The following CNTN6 variants were observed in gnomAD, a reference collection of about 807,000 sequenced individuals.
CNTN6 encodes contactin-6.
In CNTN6, 137 loss-of-function variants were observed where a neutral mutation model predicts 122.8. The ratio of observed to expected loss-of-function variants is 1.12; its 90% confidence interval spans 0.97 to 1.29. CNTN6 has a LOEUF of 1.29. Among genes scored for constraint, CNTN6 ranks in the 50% most tolerant of loss-of-function variants. The pLI, the probability that CNTN6 is intolerant of heterozygous loss-of-function variation, is 0.00. For synonymous variants in CNTN6, 570 were observed against 426.0 expected (o/e 1.34, Z -4.16); for missense variants, 1,634 against 1,223.4 (o/e 1.34, Z -5.01).
intron 1 of CNTN6, among the ~76,000 whole-genome samples, chr3:1,125,503 A>G (rs563739487): frequency 6.6e-6 from 1 of 152,064 alleles, no homozygotes; most frequent in Non-Finnish European, 1.5e-5. Context: ...TAATCTGCAC[A>G]CAGTCAAATG....
chr3:1,288,291 G>T (rs1694699871), intron 5 of CNTN6, among the ~76,000 whole-genome samples: 1 of 151,158 alleles, frequency 6.6e-6, no homozygotes. Flanking sequence ...TGATCAAGCA[G>T]TAATTGTGGA....
At chr3:1,230,660 C>T (rs754039490) in intron 4 of CNTN6, among the ~76,000 whole-genome samples, 1 of 152,162 alleles carries the variant, frequency 6.6e-6, no homozygotes, top group Non-Finnish European at 1.5e-5. Context: ...CCCCATTTTA[C>T]AGATTAGAAG....
intron 11 of CNTN6, among the ~76,000 whole-genome samples, chr3:1,343,766 T>A (rs1346447364): frequency 1.3e-5 from 2 of 152,116 alleles, no homozygotes; most frequent in Admixed American, 1.3e-4. Context: ...GATGATGATG[T>A]TATTACTACT....
chr3:1,195,383 T>C (rs1332430354), intron 2 of CNTN6, among the ~76,000 whole-genome samples: 2 of 152,150 alleles, frequency 1.3e-5, no homozygotes, highest in African/African-American at 4.8e-5. Context: ...GATACCTGAA[T>C]AGTAATAAAA....
At chr3:1,392,260 C>G (rs1445104281) in intron 20 of CNTN6, among the ~76,000 whole-genome samples, 1 of 152,222 alleles carries the variant, frequency 6.6e-6, no homozygotes, top group Non-Finnish European at 1.5e-5. Context: ...CGCATATCTA[C>G]AGCTATCTGA....
At chr3:1,250,768 C>T (rs1351675229) in intron 4 of CNTN6, among the ~76,000 whole-genome samples, 3 of 152,124 alleles carry the variant, frequency 2.0e-5, no homozygotes, top group Admixed American at 6.6e-5. Flanking sequence ...CCCTGAAAGT[C>T]CCCCTGACTG....
intron 3 of CNTN6, among the ~76,000 whole-genome samples, chr3:1,224,918 G>C (rs1156843643): frequency 2.0e-5 from 3 of 151,930 alleles, no homozygotes; most frequent in African/African-American, 7.3e-5. Context: ...GCTAATTTTT[G>C]TATTTTTTTA....
chr3:1,239,966 G>T (rs1194211546), intron 4 of CNTN6, among the ~76,000 whole-genome samples: 1 of 152,106 alleles, frequency 6.6e-6, no homozygotes, highest in Non-Finnish European at 1.5e-5. Flanking sequence ...TCATTGAAAA[G>T]CCCAGTGTAG....
At chr3:1,210,384 G>A (rs1230728116) in intron 2 of CNTN6, among the ~76,000 whole-genome samples, 1 of 151,246 alleles carries the variant, frequency 6.6e-6, no homozygotes, top group East Asian at 1.9e-4. Flanking sequence ...AAGAAAGAAG[G>A]GAAGTGAAGG....
chr3:1,113,527 G>C (rs1312585220), intron 1 of CNTN6, among the ~76,000 whole-genome samples: 3 of 152,094 alleles, frequency 2.0e-5, no homozygotes, highest in African/African-American at 7.2e-5. Context: ...TCTAGGAAAA[G>C]GGCCTGATTT....
chr3:1,336,396 A>G (rs1183497984), intron 11 of CNTN6, among the ~76,000 whole-genome samples: 4 of 152,100 alleles, frequency 2.6e-5, no homozygotes, highest in Non-Finnish European at 5.9e-5. Flanking sequence ...AGTAATCTCA[A>G]AAAGTTAAAC....
intron 11 of CNTN6, among the ~76,000 whole-genome samples, chr3:1,347,529 G>C (rs1172374952): frequency 1.3e-5 from 2 of 152,084 alleles, no homozygotes; most frequent in Admixed American, 1.3e-4. Flanking sequence ...AGGAGAGTCT[G>C]GGGACTGATA....
At chr3:1,103,645 C>T (rs2091067097) in intron 1 of CNTN6, among the ~76,000 whole-genome samples, 1 of 152,140 alleles carries the variant, frequency 6.6e-6, no homozygotes, top group African/African-American at 2.4e-5. Context: ...ATGCGTAGTT[C>T]AACATAGGAA....
intron 20 of CNTN6, among the ~76,000 whole-genome samples, chr3:1,398,346 T>C (rs1695242507): frequency 6.6e-6 from 1 of 152,126 alleles, no homozygotes; most frequent in Non-Finnish European, 1.5e-5. Context: ...AAACATCCAT[T>C]GATAAAAATA....
At chr3:1,395,079 C>A (rs1423079175) in intron 20 of CNTN6, among the ~76,000 whole-genome samples, 1 of 152,108 alleles carries the variant, frequency 6.6e-6, no homozygotes, top group Non-Finnish European at 1.5e-5. Context: ...CTCTTACCAG[C>A]CTGTATGCTT....
intron 12 of CNTN6, among the ~76,000 whole-genome samples, chr3:1,359,694 A>G (rs147073784): frequency 3.2e-4 from 48 of 152,190 alleles, no homozygotes; most frequent in Non-Finnish European, 5.7e-4. Context: ...AACATTTTAG[A>G]CTTACGGATT....
At chr3:1,391,509 C>G (rs1423072925) in intron 20 of CNTN6, among the ~76,000 whole-genome samples, 1 of 110,030 alleles carries the variant, frequency 9.1e-6, no homozygotes, top group Non-Finnish European at 1.8e-5. Flanking sequence ...CAGGGATGCC[C>G]TCTCTCACCA....
At chr3:1,234,249 T>C (rs2125578602) in intron 4 of CNTN6, among the ~76,000 whole-genome samples, 1 of 152,278 alleles carries the variant, frequency 6.6e-6, no homozygotes, top group Non-Finnish European at 1.5e-5. Flanking sequence ...AGAATTCTCA[T>C]GAATTTAATG....
chr3:1,338,034 C>T (rs1409073859), intron 11 of CNTN6, among the ~76,000 whole-genome samples: 3 of 152,040 alleles, frequency 2.0e-5, no homozygotes, highest in Admixed American at 6.6e-5. Flanking sequence ...CCTTTAAATC[C>T]AGCCTGCCTA....
Sources: gnomAD v4.1 joint callset for allele counts (sites outside exome capture counted in the v4.1 genomes callset) on GRCh38, gnomAD v4.1.1 for gene constraint, MANE v1.5 for transcripts, NCBI Gene and HGNC (gene_info 2026-07-23, HGNC 2026-07-21) for gene names.